Variants in ATP10D observed in about 807,000 individuals in gnomAD.
The protein encoded by ATP10D is ATPase phospholipid transporting 10D (putative), also known as phospholipid-transporting ATPase VD.
ATP10D carries 89 observed loss-of-function variants against 144.8 expected under a neutral mutation model. The observed-to-expected ratio is 0.61, with a 90% CI of 0.52 to 0.73. The LOEUF (loss-of-function observed/expected upper bound fraction) is 0.73. Among genes scored for constraint, ATP10D ranks in the 30% least tolerant of loss-of-function variants. The pLI is 0.00. For missense variants in ATP10D, 1,603 were observed against 1,714.8 expected, an observed-to-expected ratio of 0.93 and a Z score of 1.15; for synonymous variants, 571 against 615.1, an observed-to-expected ratio of 0.93 and a Z score of 1.06.
chr4:47,507,446 AG>A (rs1357940820), intron 1 of ATP10D, among the ~76,000 whole-genome samples: 1 of 152,186 alleles, frequency 6.6e-6, no homozygotes, highest in Non-Finnish European at 1.5e-5. Flanking sequence ...CCCTCTTGAA[AG>A]AGTCTTTCAG....
At chr4:47,533,806 G>A (rs1431441425) in intron 5 of ATP10D, among the ~76,000 whole-genome samples, 1 of 152,114 alleles carries the variant, frequency 6.6e-6, no homozygotes, top group Non-Finnish European at 1.5e-5. Flanking sequence ...AGCTATTTCA[G>A]TTTTTCCATC....
intron 19 of ATP10D, among the ~76,000 whole-genome samples, chr4:47,579,832 A>T (rs2109472929): frequency 6.6e-6 from 1 of 152,304 alleles, no homozygotes. Context: ...AGATGGCATG[A>T]CCTGGTTTAC....
At chr4:47,509,219 A>G (rs1029312697) in intron 1 of ATP10D, among the ~76,000 whole-genome samples, 1 of 135,782 alleles carries the variant, frequency 7.4e-6, no homozygotes, top group African/African-American at 2.8e-5. Context: ...GATATTTTCA[A>G]ACATTGAAAA....
intron 11 of ATP10D, among the ~76,000 whole-genome samples, chr4:47,555,460 G>C (rs1278488072): frequency 3.9e-5 from 6 of 152,172 alleles, no homozygotes; most frequent in African/African-American, 1.4e-4. Flanking sequence ...ACAATCCTAT[G>C]AGTTAGAAGC....
At chr4:47,582,688 G>T (rs1275570102) in intron 21 of ATP10D, among the ~76,000 whole-genome samples, 1 of 152,088 alleles carries the variant, frequency 6.6e-6, no homozygotes, top group African/African-American at 2.4e-5. Flanking sequence ...GAGGTAATTT[G>T]CATTCCCCCT....
intron 3 of ATP10D, among the ~76,000 whole-genome samples, chr4:47,519,393 G>A (rs1716835285): frequency 6.6e-6 from 1 of 152,216 alleles, no homozygotes; most frequent in Admixed American, 6.5e-5. Context: ...TGGATGCTGT[G>A]TCCTGGTCAT....
At chr4:47,535,021 G>A (rs1717765955) in intron 5 of ATP10D, among the ~76,000 whole-genome samples, 1 of 152,124 alleles carries the variant, frequency 6.6e-6, no homozygotes, top group Non-Finnish European at 1.5e-5. Context: ...TAGCAATGTG[G>A]ATGGAGCTGA....
intron 10 of ATP10D, chr4:47,547,130 T>C (rs1718486134): frequency 2.3e-6 from 1 of 439,170 alleles, no homozygotes. Context: ...GGGCTGATTA[T>C]GTGTGAGCCT....
Position 47,536,451 on chromosome 4 carries a change from C to T in ATP10D, c.1030C>T (p.Leu344=). Reference sequence around the variant, plus strand: ...TTTTTTGAAAGGTCATGGAATCTGGCTGAGCAGGTATGAAAAGATGCATTT... The same window carrying T: ...TTTTTTGAAAGGTCATGGAATCTGGTTGAGCAGGTATGAAAAGATGCATTT... ...LTGAVGHGIW[L]SRYEKMHFFN... is the part of the protein sequence containing the mutation. The change falls in exon 8 of 23, where the codon CTG becomes TTG. Residue 344 remains leucine, a synonymous_variant. Transcript: ENST00000273859. 6.2e-7 allele frequency: 1 copy of T among 1,613,466 alleles called. No individual in the cohort carries two copies.
chr4:47,503,231 A>G (rs1715812471), intron 1 of ATP10D, among the ~76,000 whole-genome samples: 1 of 152,122 alleles, frequency 6.6e-6, no homozygotes, highest in African/African-American at 2.4e-5. Context: ...ATAAAATAAA[A>G]TAAAACATAT....
intron 14 of ATP10D, among the ~76,000 whole-genome samples, chr4:47,562,474 C>T (rs1004701765): frequency 6.6e-6 from 1 of 152,094 alleles, no homozygotes; most frequent in Non-Finnish European, 1.5e-5. Context: ...CAGACAAATG[C>T]AAATTAAAAC....
At position 47,569,149 on chromosome 4, in the gene ATP10D, G is replaced by A. The variant is rs1389607737; in HGVS notation, c.3163+3G>A. On this transcript the variant is annotated splice_donor_region_variant and intron_variant, in intron 16 of 22. Transcript: ENST00000273859. ...CCAGGTGATGACCCTTGCTATTGGT[G>A]AGTGAGGATGAATCTGAGTCCTGCT... 5.6e-6 allele frequency: 9 copies of A among 1,610,356 alleles called. No homozygotes were observed. The highest frequency in any genetic ancestry group is 7.6e-6 in the Non-Finnish European group (9 of 1,178,082).
At chr4:47,491,845 G>A (rs993582943) in intron 1 of ATP10D, among the ~76,000 whole-genome samples, 4 of 152,054 alleles carry the variant, frequency 2.6e-5, no homozygotes, top group African/African-American at 4.8e-5. Flanking sequence ...CTCGTACCAT[G>A]CTTTCTCATA....
Position 47,579,415 on chromosome 4 carries a change from G to A in ATP10D, c.3568-983G>A, listed in dbSNP as rs577577431. Among the ~76,000 whole-genome samples, 85 of 152,306 alleles carry A rather than the reference G, an allele frequency of 5.6e-4. No individual in the cohort carries two copies. In the South Asian group the frequency reaches 0.015, roughly 26 times the overall value. On this transcript the variant is annotated intron_variant, in intron 19 of 22. Coordinates refer to ENST00000273859, the MANE Select transcript of ATP10D (RefSeq NM_020453.4). ...AACTAGAGCATTTATTAAACAGAGA[G>A]AATTATTCCTGATGGTGATGAGATA...
At position 47,559,106 on chromosome 4, in the gene ATP10D, G is replaced by A. The variant is rs1719144581; in HGVS notation, c.2541+77G>A. 5 of 1,125,874 alleles carry A rather than the reference G, an allele frequency of 4.4e-6. No individual in the cohort carries two copies. In the South Asian group the frequency reaches 5.3e-5, roughly 12 times the overall value. The allele number at this position is 1,125,874 out of a possible 1,614,324, so 69.7% of individuals were successfully genotyped here. On this transcript the variant is annotated intron_variant, in intron 13 of 22. Coordinates refer to ENST00000273859, the MANE Select transcript of ATP10D (RefSeq NM_020453.4). Reference sequence around the variant, plus strand: ...ATCACTGACTGAAAACCAGCGTGTAGCAAACCCTAATCCAGATGCTGGGGA... The same window carrying A: ...ATCACTGACTGAAAACCAGCGTGTAACAAACCCTAATCCAGATGCTGGGGA...
At chr4:47,527,715 A>T (rs969884596) in intron 5 of ATP10D, among the ~76,000 whole-genome samples, 167 of 152,296 alleles carry the variant, frequency 1.1e-3, no homozygotes, top group African/African-American at 3.8e-3. Context: ...TTTACCTGCT[A>T]CAATTAAAAA....
chr4:47,589,502 T>A lies in ATP10D; in HGVS notation c.3942-1540T>A, dbSNP rs200858910. ...CTTACACAGGCTCTTGGTAGAAATA[T>A]GGACATTTAAGTTGTAACCAGTGAT... is the stretch of plus-strand genomic sequence containing the variant. On this transcript the variant is annotated intron_variant, in intron 22 of 22. Coordinates refer to ENST00000273859, the MANE Select transcript of ATP10D (RefSeq NM_020453.4). Among the ~76,000 whole-genome samples the A allele has an allele frequency of 7.2e-5, 11 of 152,276 alleles. No individual in the cohort carries two copies. The East Asian group carries it at 2.1e-3, about 29-fold the overall frequency.
intron 10 of ATP10D, among the ~76,000 whole-genome samples, chr4:47,551,894 A>G (rs532492343): frequency 1.7e-4 from 26 of 152,216 alleles, no homozygotes; most frequent in Non-Finnish European, 3.2e-4. Context: ...GTGACTCTAT[A>G]TCTTCACCTT....
chr4:47,561,623 A>C (rs959580942), intron 14 of ATP10D, among the ~76,000 whole-genome samples: 2 of 152,040 alleles, frequency 1.3e-5, no homozygotes, highest in Middle Eastern at 3.4e-3. Flanking sequence ...AAGGAAATTT[A>C]TTTTTCTTCT....
Sources: gnomAD v4.1 joint callset for allele counts (sites outside exome capture counted in the v4.1 genomes callset) on GRCh38, gnomAD v4.1.1 for gene constraint, MANE v1.5 for transcripts, NCBI Gene and HGNC (gene_info 2026-07-23, HGNC 2026-07-21) for gene names.